SLC35A1: variants seen among roughly 807,000 people sequenced by gnomAD.
SLC35A1 encodes the protein CMP-sialic acid transporter.
Under a neutral mutation model 40.3 loss-of-function variants are expected in SLC35A1, and 21 were observed. The ratio of observed to expected loss-of-function variants is 0.52; its 90% CI spans 0.37 to 0.75. The LOEUF (loss-of-function observed/expected upper bound fraction) is 0.75, where lower values mean the gene tolerates loss of function less well. Among genes scored for constraint, SLC35A1 ranks in the 30% least tolerant of loss-of-function variants. The probability of loss-of-function intolerance (pLI) is 0.00; values close to 1 mark genes in which losing one functional copy is unlikely to be tolerated. For missense variants in SLC35A1, 297 were observed against 382.1 expected (o/e 0.78, Z 1.86); for synonymous variants, 146 against 147.3 (o/e 0.99, Z 0.06).
chr6:87,486,272 T>A (rs572156125), intron 2 of SLC35A1, among the ~76,000 whole-genome samples: 1 of 152,322 alleles, frequency 6.6e-6, no homozygotes, highest in African/African-American at 2.4e-5. Flanking sequence ...CCTGAAACCA[T>A]GTTTTGGTTA....
At chr6:87,501,382 C>A in intron 4 of SLC35A1, 72 bp downstream of exon 4, 1 of 1,398,420 alleles carries the variant, frequency 7.2e-7, no homozygotes, top group Non-Finnish European at 1.0e-6. Flanking sequence ...TGTTCAGTTA[C>A]ATTGATGCAT....
At chr6:87,498,837 C>T (rs544468168) in intron 2 of SLC35A1, among the ~76,000 whole-genome samples, 1 of 151,714 alleles carries the variant, frequency 6.6e-6, no homozygotes, top group South Asian at 2.1e-4. Context: ...TTGCATTAAG[C>T]AGTTAAAAAA....
chr6:87,477,597 T>G, intron 2 of SLC35A1, 58 bp downstream of exon 2: 2 of 1,410,940 alleles, frequency 1.4e-6, no homozygotes, highest in South Asian at 2.3e-5. Flanking sequence ...AGGGTATTTG[T>G]TAGAAAATTC....
intron 1 of SLC35A1, among the ~76,000 whole-genome samples, chr6:87,476,647 C>G (rs1162589541): frequency 1.3e-5 from 2 of 151,488 alleles, no homozygotes; most frequent in African/African-American, 4.9e-5. Context: ...ATTGCTTGAA[C>G]CCGGGAGGTG....
At chr6:87,478,291 A>G (rs992371011) in intron 2 of SLC35A1, among the ~76,000 whole-genome samples, 1 of 152,230 alleles carries the variant, frequency 6.6e-6, no homozygotes, top group Admixed American at 6.5e-5. Flanking sequence ...TTGTGGCTGC[A>G]TACACACTTG....
chr6:87,476,609 C>T (rs920566266), intron 1 of SLC35A1, among the ~76,000 whole-genome samples: 1 of 151,750 alleles, frequency 6.6e-6, no homozygotes, highest in Non-Finnish European at 1.5e-5. Flanking sequence ...CCTGTAATCC[C>T]AGCTGCTCAG....
At chr6:87,494,647 G>A (rs549672480) in intron 2 of SLC35A1, among the ~76,000 whole-genome samples, 18 of 152,026 alleles carry the variant, frequency 1.2e-4, no homozygotes, top group African/African-American at 3.9e-4. Flanking sequence ...GAATGGCCTC[G>A]ATCTCCTGAC....
chr6:87,479,384 A>C (rs1769182058), intron 2 of SLC35A1, among the ~76,000 whole-genome samples: 1 of 152,174 alleles, frequency 6.6e-6, no homozygotes, highest in African/African-American at 2.4e-5. Context: ...ATGACACAGC[A>C]CCCGACAAGA....
At chr6:87,495,167 C>T (rs1422078035) in intron 2 of SLC35A1, among the ~76,000 whole-genome samples, 1 of 152,138 alleles carries the variant, frequency 6.6e-6, no homozygotes, top group Non-Finnish European at 1.5e-5. Context: ...GCCATGTTGT[C>T]CAGGCTGGTC....
At chr6:87,484,006 C>T (rs1376056784) in intron 2 of SLC35A1, among the ~76,000 whole-genome samples, 1 of 152,230 alleles carries the variant, frequency 6.6e-6, no homozygotes, top group Non-Finnish European at 1.5e-5. Flanking sequence ...TGTCTGTGAT[C>T]ATTCACGCAC....
At position 87,510,106 on chromosome 6, in the gene SLC35A1, G is replaced by A. The variant is rs563565049; in HGVS notation, c.886+931G>A. 2.0e-5 allele frequency among the ~76,000 whole-genome samples: 3 copies of A among 152,174 alleles called. No individual in the cohort carries two copies. The East Asian group carries it at 5.8e-4, about 29-fold the overall frequency. On this transcript the variant is annotated intron_variant, in intron 7 of 7. Transcript: ENST00000369552. ...CTTGGGGAAGTTATATTCCCTGGGT[G>A]ACACTTTCTTCATCTGTAAAATGGG...
rs559791137 is a variant in SLC35A1 at position 87,510,978 on chromosome 6, T to C, written c.887-421T>C. On this transcript the variant is annotated intron_variant, in intron 7 of 7. Coordinates refer to ENST00000369552, the MANE Select transcript of SLC35A1 (RefSeq NM_006416.5). ...AAGAAATTATCAATGGTTTGAATGA[T>C]TGGTCACCTGTCTTTTACTCTAAAC... is the stretch of plus-strand genomic sequence containing the variant. 6.0e-5 allele frequency among the ~76,000 whole-genome samples: 9 copies of C among 150,734 alleles called. No individual in the cohort carries two copies. In the East Asian group the frequency reaches 7.9e-4, roughly 13 times the overall value.
intron 3 of SLC35A1, 24 bp from the exon 4 acceptor site, chr6:87,501,134 A>C: frequency 6.4e-7 from 1 of 1,574,390 alleles, no homozygotes; most frequent in Non-Finnish European, 8.7e-7. Context: ...AACTGAATTT[A>C]TTAATTCATT....
chr6:87,478,087 G>C (rs1169015291), intron 2 of SLC35A1, among the ~76,000 whole-genome samples: 3 of 151,174 alleles, frequency 2.0e-5, no homozygotes, highest in African/African-American at 7.3e-5. Context: ...ACATTTTCAA[G>C]GTAAGTACTT....
intron 2 of SLC35A1, among the ~76,000 whole-genome samples, chr6:87,493,421 T>A (rs1171779806): frequency 6.6e-6 from 1 of 152,018 alleles, no homozygotes; most frequent in African/African-American, 2.4e-5. Context: ...AGCTATGAAA[T>A]ATATATGCAT....
chr6:87,489,628 G>A (rs1397501248), intron 2 of SLC35A1, among the ~76,000 whole-genome samples: 1 of 134,120 alleles, frequency 7.5e-6, no homozygotes, highest in African/African-American at 2.9e-5. Flanking sequence ...TGCAACCTCC[G>A]CCTCCAAGGT....
At chr6:87,475,730 A>G (rs1769051468) in intron 1 of SLC35A1, among the ~76,000 whole-genome samples, 1 of 152,192 alleles carries the variant, frequency 6.6e-6, no homozygotes, top group Non-Finnish European at 1.5e-5. Context: ...CCCTATGAAA[A>G]CTATCTTTGA....
intron 4 of SLC35A1, among the ~76,000 whole-genome samples, chr6:87,502,955 GT>G (rs113477991): frequency 0.01 from 1,563 of 152,258 alleles, 23 homozygotes; most frequent in African/African-American, 0.034. Context: ...GGTTGAGTTT[GT>G]ATTTATTAAG....
intron 2 of SLC35A1, among the ~76,000 whole-genome samples, chr6:87,492,700 C>T (rs1769590449): frequency 6.6e-6 from 1 of 151,950 alleles, no homozygotes; most frequent in Non-Finnish European, 1.5e-5. Flanking sequence ...CAGGGATGCA[C>T]CACCACACCC....
Sources: gnomAD v4.1 joint callset for allele counts (sites outside exome capture counted in the v4.1 genomes callset) on GRCh38, gnomAD v4.1.1 for gene constraint, MANE v1.5 for transcripts, NCBI Gene and HGNC (gene_info 2026-07-23, HGNC 2026-07-21) for gene names.